The following CAMK4 variants were observed in gnomAD, a reference collection of about 807,000 sequenced individuals.
CAMK4 encodes calcium/calmodulin dependent protein kinase IV.
In CAMK4, 22 loss-of-function variants were observed where a neutral mutation model predicts 44.9. That is an observed-to-expected ratio of 0.49 (90% confidence interval 0.35 to 0.70). The LOEUF is 0.70. Among genes scored for constraint, CAMK4 ranks in the 30% least tolerant of loss-of-function variants. CAMK4 has a pLI of 0.01. For synonymous variants in CAMK4, 218 were observed against 215.4 expected (o/e 1.01, Z -0.11); for missense variants, 498 against 586.8 (o/e 0.85, Z 1.56).
intron 5 of CAMK4, among the ~76,000 whole-genome samples, chr5:111,427,471 G>C (rs912231854): frequency 1.3e-5 from 2 of 152,200 alleles, no homozygotes; most frequent in Non-Finnish European, 2.9e-5. Flanking sequence ...TCCAGAACTT[G>C]AATCTTGGGT....
In CAMK4 at chr5:111,282,051, C is replaced by T. The variant is rs533973175; in HGVS notation, c.161+57407C>T. On this transcript the variant is annotated intron_variant, in intron 1 of 10. Transcript: ENST00000282356. ...TCCAGCCTGGGCGACAGCGAGACTC[C>T]GTCTCAAAAAAAAAAAAAAGAAATT... 3.6e-3 allele frequency among the ~76,000 whole-genome samples: 528 copies of T among 147,882 alleles called. 7 individuals are homozygous for T. Among genetic ancestry groups the T allele is most frequent in the African/African-American group, 0.012 (484 of 39,100 alleles).
At chr5:111,358,441 A>G (rs1169391506) in intron 2 of CAMK4, among the ~76,000 whole-genome samples, 3 of 152,046 alleles carry the variant, frequency 2.0e-5, no homozygotes, top group African/African-American at 4.8e-5. Flanking sequence ...AAAGTTACCT[A>G]TACTTATCTC....
rs924350204 is a variant in CAMK4, at chr5:111,494,426, A to G, written c.*9960A>G. 3.3e-5 allele frequency: 5 copies of G among 152,186 alleles called. No individual in the cohort carries two copies. The South Asian group carries it at 1.0e-3, about 31-fold the overall frequency. 9.4% of individuals were successfully genotyped at this position (152,186 alleles called of 1,614,324 possible). A position where few individuals can be genotyped will look rare whatever the true frequency, so the allele number is the denominator to read the frequency against. On this transcript the variant is annotated 3_prime_UTR_variant, in exon 11 of 11. Transcript: ENST00000282356. ...GGCCTGGGCATAAATGTACATACAGAAAATGTTTGTAGAGAATTCATCAAA... is the reference window on the plus strand; with the variant it reads ...GGCCTGGGCATAAATGTACATACAGGAAATGTTTGTAGAGAATTCATCAAA...
rs1220561869 is a variant in CAMK4, at chr5:111,425,399, CAAGG to C, written c.460-21286_460-21283del. ...AGGTGGTGCCAGAGCCTATGCATAA[CAAGG>C]CTGACTTCCAGGCATAGCAGCTTCC... is the stretch of plus-strand genomic sequence containing the variant. On this transcript the variant is annotated intron_variant, in intron 5 of 10. Coordinates refer to ENST00000282356, the MANE Select transcript of CAMK4 (RefSeq NM_001744.6). 2.0e-5 allele frequency among the ~76,000 whole-genome samples: 3 copies of C among 152,204 alleles called. No individual in the cohort carries two copies. The East Asian group carries it at 5.8e-4, about 29-fold the overall frequency.
chr5:111,280,873 A>G (rs1398411976), intron 1 of CAMK4, among the ~76,000 whole-genome samples: 1 of 152,322 alleles, frequency 6.6e-6, no homozygotes, highest in African/African-American at 2.4e-5. Context: ...TCAGAATATT[A>G]ATGGAATATT....
rs144598947 is a variant in CAMK4 at position 111,238,712 on chromosome 5, A to G, written c.161+14068A>G. On this transcript the variant is annotated intron_variant, in intron 1 of 10. Coordinates refer to ENST00000282356, the MANE Select transcript of CAMK4 (RefSeq NM_001744.6). ...TCAGATGCCTGACATTTCCTCCCAG[A>G]TACTGGGTAAAGGAGGCCAGAACCC... is the stretch of plus-strand genomic sequence containing the variant. Among the ~76,000 whole-genome samples, 8 of 144,288 alleles carry G rather than the reference A, an allele frequency of 5.5e-5. No individual in the cohort carries two copies. The East Asian group carries it at 1.4e-3, about 26-fold the overall frequency. 94.7% of individuals were successfully genotyped at this position (144,288 alleles called of 152,430 possible).
intron 7 of CAMK4, among the ~76,000 whole-genome samples, chr5:111,465,754 C>T (rs1754805160): frequency 6.6e-6 from 1 of 152,182 alleles, no homozygotes; most frequent in Admixed American, 6.5e-5. Context: ...GATGGATTCA[C>T]AGCTGAATTC....
intron 1 of CAMK4, among the ~76,000 whole-genome samples, chr5:111,232,110 A>G (rs1036301305): frequency 3.9e-5 from 6 of 152,142 alleles, no homozygotes; most frequent in African/African-American, 1.4e-4. Flanking sequence ...TAAGCTTTTC[A>G]ATAATTCTGA....
chr5:111,234,012 T>C (rs1247631477), intron 1 of CAMK4, among the ~76,000 whole-genome samples: 1 of 152,176 alleles, frequency 6.6e-6, no homozygotes, highest in African/African-American at 2.4e-5. Flanking sequence ...TTTTTGGATG[T>C]TTTAAAAAGC....
intron 2 of CAMK4, among the ~76,000 whole-genome samples, chr5:111,351,650 G>A (rs942392904): frequency 1.4e-4 from 21 of 150,532 alleles, no homozygotes; most frequent in Admixed American, 1.4e-3. Context: ...GACCTCAGGT[G>A]ATCCACCTGC....
intron 1 of CAMK4, among the ~76,000 whole-genome samples, chr5:111,281,653 AG>A (rs1163203224): frequency 2.0e-5 from 3 of 152,222 alleles, no homozygotes; most frequent in Non-Finnish European, 4.4e-5. Flanking sequence ...ATTTGATTTA[AG>A]AAGTCAAGTT....
chr5:111,236,909 C>G (rs1285723069), intron 1 of CAMK4, among the ~76,000 whole-genome samples: 1 of 152,166 alleles, frequency 6.6e-6, no homozygotes, highest in Non-Finnish European at 1.5e-5. Flanking sequence ...TGTGAATGAA[C>G]AAATGTCAGA....
rs62376844 is a variant in CAMK4 at position 111,224,501 on chromosome 5, G to A, written c.18G>A (p.Val6=). ...CTGCGAAGATGCTCAAAGTCACGGTGCCCTCCTGCTCCGCCTCGTCCTGCT... is the reference window on the plus strand; with the variant it reads ...CTGCGAAGATGCTCAAAGTCACGGTACCCTCCTGCTCCGCCTCGTCCTGCT... The part of the protein sequence containing the change: MLKVT[V]PSCSASSCSS... Residue 6 remains valine, a synonymous_variant, in exon 1 of 11, where the codon GTG becomes GTA. Coordinates refer to ENST00000282356, the MANE Select transcript of CAMK4 (RefSeq NM_001744.6). The surrounding 1 kb of genome is among the most constrained non-coding windows in gnomAD (Gnocchi z 5.7). 1.9e-6 allele frequency: 3 copies of A among 1,607,342 alleles called. No individual in the cohort carries two copies. Among genetic ancestry groups the A allele is most frequent in the South Asian group, 2.2e-5 (2 of 90,492 alleles).
chr5:111,271,673 TA>T (rs1049968506), intron 1 of CAMK4, among the ~76,000 whole-genome samples: 6 of 152,168 alleles, frequency 3.9e-5, no homozygotes, highest in African/African-American at 1.4e-4. Flanking sequence ...AGTAAATTCA[TA>T]GAAAAGTATA....
intron 5 of CAMK4, among the ~76,000 whole-genome samples, chr5:111,429,095 G>C (rs1415238691): frequency 6.6e-6 from 1 of 151,824 alleles, no homozygotes; most frequent in Non-Finnish European, 1.5e-5. Flanking sequence ...AGAAAAGCAA[G>C]AGCAAACCAA....
chr5:111,422,056 C>T (rs566740846), intron 5 of CAMK4, among the ~76,000 whole-genome samples: 66 of 152,294 alleles, frequency 4.3e-4, no homozygotes, highest in Non-Finnish European at 6.5e-4. Context: ...TTATAAATTA[C>T]CCATGCTTGG....
Position 111,451,395 on chromosome 5 carries a change from T to C in CAMK4, c.625+2192T>C, listed in dbSNP as rs942929871. Among the ~76,000 whole-genome samples, 7 of 152,252 alleles carry C rather than the reference T, an allele frequency of 4.6e-5. No homozygotes were observed. The East Asian group carries it at 1.2e-3, about 25-fold the overall frequency. On this transcript the variant is annotated intron_variant, in intron 7 of 10. Coordinates refer to ENST00000282356, the MANE Select transcript of CAMK4 (RefSeq NM_001744.6). ...TTATAGTAACCTTTGCCTCCCGGGT[T>C]CAATTGATTCTCATTCCTCAGCCTC...
chr5:111,302,629 G>T (rs1164076021), intron 1 of CAMK4: 5 of 23,978 alleles, frequency 2.1e-4, no homozygotes. Flanking sequence ...TAGCACAGCA[G>T]TCTGAGATCA....
At chr5:111,420,041 C>T (rs1752967574) in intron 5 of CAMK4, among the ~76,000 whole-genome samples, 1 of 151,708 alleles carries the variant, frequency 6.6e-6, no homozygotes, top group Non-Finnish European at 1.5e-5. Context: ...GGCAGTATGG[C>T]CATTTTCACG....
Sources: allele counts gnomAD v4.1 joint callset (sites outside exome capture counted in the v4.1 genomes callset), GRCh38; gene constraint gnomAD v4.1.1; non-coding constraint Gnocchi (gnomAD v3.1); transcripts MANE v1.5; gene names NCBI Gene and HGNC (gene_info 2026-07-23, HGNC 2026-07-21).